The following HPSE2 variants were observed in gnomAD, a reference collection of about 807,000 sequenced individuals.
HPSE2 encodes heparanase 2 (inactive).
In HPSE2, 38 loss-of-function variants were observed where a neutral mutation model predicts 60.5. That is an observed-to-expected ratio of 0.63 (90% CI 0.48 to 0.82). HPSE2 has a LOEUF of 0.82. Among genes scored for constraint, HPSE2 ranks in the 40% least tolerant of loss-of-function variants. HPSE2 has a pLI of 0.00. For synonymous variants in HPSE2, 295 were observed against 293.2 expected, an observed-to-expected ratio of 1.01 and a Z score of -0.06; for missense variants, 713 against 740.4, an observed-to-expected ratio of 0.96 and a Z score of 0.43.
At chr10:99,141,218 T>C (rs1013160944) in intron 3 of HPSE2, among the ~76,000 whole-genome samples, 3 of 152,150 alleles carry the variant, frequency 2.0e-5, no homozygotes, top group African/African-American at 7.2e-5. Context: ...TTGAGTGACA[T>C]GCACAATAAC....
intron 3 of HPSE2, among the ~76,000 whole-genome samples, chr10:99,069,188 C>T (rs2135543124): frequency 6.6e-6 from 1 of 152,308 alleles, no homozygotes; most frequent in African/African-American, 2.4e-5. Context: ...TCAGCTGGTT[C>T]TCATAAGTCT....
chr10:98,636,951 A>G (rs1312785122), intron 7 of HPSE2, among the ~76,000 whole-genome samples: 6 of 152,190 alleles, frequency 3.9e-5, no homozygotes, highest in Admixed American at 3.9e-4. Context: ...TATCCAGACT[A>G]TACCATCTGC....
intron 3 of HPSE2, among the ~76,000 whole-genome samples, chr10:98,907,921 C>T (rs1953869038): frequency 6.6e-6 from 1 of 152,122 alleles, no homozygotes. Flanking sequence ...ATCTCTTTCA[C>T]CATTGTAGTT....
intron 2 of HPSE2, among the ~76,000 whole-genome samples, chr10:99,184,319 G>A (rs1847888119): frequency 6.6e-6 from 1 of 152,010 alleles, no homozygotes; most frequent in Non-Finnish European, 1.5e-5. Context: ...GAGGTCAGGA[G>A]TTTGAGACCA....
chr10:98,736,403 A>C (rs1278660121), intron 4 of HPSE2, among the ~76,000 whole-genome samples: 1 of 152,096 alleles, frequency 6.6e-6, no homozygotes, highest in Non-Finnish European at 1.5e-5. Context: ...GCTGTCCCAC[A>C]AATGTTTTCT....
rs534494691 is a variant in HPSE2 at position 99,100,405 on chromosome 10, A to C, written c.610+43833T>G. Among the ~76,000 whole-genome samples, 17 of 152,362 alleles carry C rather than the reference A, an allele frequency of 1.1e-4. No homozygotes were observed. The South Asian group carries it at 3.3e-3, about 30-fold the overall frequency. On this transcript the variant is annotated intron_variant, in intron 3 of 11. Coordinates refer to ENST00000370552, the MANE Select transcript of HPSE2 (RefSeq NM_021828.5). Reference sequence around the variant, plus strand: ...GAAAGGGTATCAGTGACTGAAGATCAAATGAATGAAATGAAGTGAGAAGAG... The same window carrying C: ...GAAAGGGTATCAGTGACTGAAGATCCAATGAATGAAATGAAGTGAGAAGAG...
chr10:98,706,471 A>C (rs916303348), intron 5 of HPSE2, among the ~76,000 whole-genome samples: 5 of 152,186 alleles, frequency 3.3e-5, no homozygotes, highest in African/African-American at 1.2e-4. Context: ...CAGGAGACAG[A>C]AATGTGGACA....
chr10:99,191,799 A>G (rs924772691), intron 2 of HPSE2, among the ~76,000 whole-genome samples: 7 of 152,250 alleles, frequency 4.6e-5, no homozygotes, highest in Non-Finnish European at 7.3e-5. Flanking sequence ...CCAGGGACCA[A>G]TCCTGGAGAG....
chr10:98,538,556 C>T (rs939404015), intron 9 of HPSE2, among the ~76,000 whole-genome samples: 3 of 152,188 alleles, frequency 2.0e-5, no homozygotes, highest in South Asian at 4.1e-4. Flanking sequence ...CAGTTGTTCT[C>T]AACCTTACTG....
intron 9 of HPSE2, among the ~76,000 whole-genome samples, chr10:98,571,191 T>G (rs1372075694): frequency 6.6e-6 from 1 of 152,158 alleles, no homozygotes; most frequent in Non-Finnish European, 1.5e-5. Flanking sequence ...TGCTGCCTGG[T>G]ACAATAATCC....
At chr10:98,499,214 G>A (rs1007699387) in intron 9 of HPSE2, among the ~76,000 whole-genome samples, 1 of 152,124 alleles carries the variant, frequency 6.6e-6, no homozygotes. Flanking sequence ...GTTATCTAAA[G>A]TTAAGATGAA....
intron 4 of HPSE2, among the ~76,000 whole-genome samples, chr10:98,743,411 C>T (rs904399617): frequency 1.3e-5 from 2 of 152,190 alleles, no homozygotes; most frequent in Non-Finnish European, 2.9e-5. Context: ...CTTCTTATAG[C>T]CTTTTATATA....
intron 9 of HPSE2, among the ~76,000 whole-genome samples, chr10:98,550,963 G>A (rs1229938807): frequency 6.6e-6 from 1 of 152,102 alleles, no homozygotes; most frequent in African/African-American, 2.4e-5. Flanking sequence ...TTATGGTTGA[G>A]CCTTCCATAA....
chr10:99,304,320 A>C, the HPSE2 span, among the ~76,000 whole-genome samples: 1 of 152,236 alleles, frequency 6.6e-6, no homozygotes, highest in Admixed American at 6.5e-5. Context: ...TTTCTGCATG[A>C]ACTGCCCCTT....
At chr10:99,264,171 TCTGC>T in the HPSE2 span, among the ~76,000 whole-genome samples, 3 of 45,302 alleles carry the variant, frequency 6.6e-5, no homozygotes, top group South Asian at 4.5e-3. Flanking sequence ...CACTGCAAGC[TCTGC>T]CTCCCGGATT....
At chr10:98,582,171 T>A (rs1394571940) in intron 9 of HPSE2, among the ~76,000 whole-genome samples, 10 of 152,208 alleles carry the variant, frequency 6.6e-5, no homozygotes, top group Admixed American at 6.5e-4. Flanking sequence ...ACTCTGTCAA[T>A]TTATGTGGCC....
intron 9 of HPSE2, among the ~76,000 whole-genome samples, chr10:98,505,622 T>C (rs1942175354): frequency 6.6e-6 from 1 of 152,246 alleles, no homozygotes; most frequent in Non-Finnish European, 1.5e-5. Flanking sequence ...TTCATAAAGA[T>C]ATTCTATATT....
intron 9 of HPSE2, among the ~76,000 whole-genome samples, chr10:98,515,063 A>T (rs1942555665): frequency 6.6e-6 from 1 of 152,098 alleles, no homozygotes; most frequent in African/African-American, 2.4e-5. Context: ...GTCTCCCTTG[A>T]GGCAAGCAAT....
At chr10:98,579,372 T>G (rs538882336) in intron 9 of HPSE2, among the ~76,000 whole-genome samples, 13 of 152,286 alleles carry the variant, frequency 8.5e-5, no homozygotes, top group African/African-American at 3.1e-4. Context: ...TGGCCAGACC[T>G]CCACCACCTC....
Sources: allele counts gnomAD v4.1 joint callset (sites outside exome capture counted in the v4.1 genomes callset), GRCh38; gene constraint gnomAD v4.1.1; transcripts MANE v1.5; gene names NCBI Gene and HGNC (gene_info 2026-07-23, HGNC 2026-07-21).